The following DLG2 variants were observed in gnomAD, a reference collection of about 807,000 sequenced individuals.
DLG2 encodes the protein disks large homolog 2.
In DLG2, 45 loss-of-function variants were observed where a neutral mutation model predicts 132.5. The observed-to-expected ratio is 0.34, with a 90% CI of 0.27 to 0.44. The LOEUF is 0.44. DLG2 is among the 20% of genes least tolerant of loss of function. The pLI is 1.00. For synonymous variants in DLG2, 424 were observed against 419.6 expected, an observed-to-expected ratio of 1.01 and a Z score of -0.13; for missense variants, 1,045 against 1,196.9, an observed-to-expected ratio of 0.87 and a Z score of 1.87.
chr11:84,422,082 G>A (rs1353229351), intron 7 of DLG2, among the ~76,000 whole-genome samples: 1 of 152,094 alleles, frequency 6.6e-6, no homozygotes, highest in Non-Finnish European at 1.5e-5. Context: ...CCCTCACTAG[G>A]CGCTTGAACT....
chr11:84,654,060 T>C (rs1024675929), intron 6 of DLG2, among the ~76,000 whole-genome samples: 4 of 152,140 alleles, frequency 2.6e-5, no homozygotes, highest in Non-Finnish European at 5.9e-5. Context: ...TGGTGTCTTA[T>C]AACATTAATA....
intron 19 of DLG2, among the ~76,000 whole-genome samples, chr11:83,599,487 C>T (rs2058170806): frequency 6.6e-6 from 1 of 152,186 alleles, no homozygotes; most frequent in East Asian, 1.9e-4. Flanking sequence ...ACCAATCCTT[C>T]AAAAGATCCA....
intron 6 of DLG2, among the ~76,000 whole-genome samples, chr11:84,712,434 T>C (rs1174885027): frequency 1.3e-5 from 2 of 152,066 alleles, no homozygotes; most frequent in African/African-American, 4.8e-5. Flanking sequence ...TCATTTTTCA[T>C]TTTCTCTTTC....
chr11:84,252,532 T>C (rs2097399742), intron 7 of DLG2, among the ~76,000 whole-genome samples: 1 of 152,186 alleles, frequency 6.6e-6, no homozygotes, highest in South Asian at 2.1e-4. Context: ...TTGGATATGT[T>C]CAACTTTCTT....
intron 8 of DLG2, among the ~76,000 whole-genome samples, chr11:84,171,767 T>C (rs2095829130): frequency 6.6e-6 from 1 of 152,166 alleles, no homozygotes; most frequent in Non-Finnish European, 1.5e-5. Context: ...TCAAATTTTC[T>C]CTGCTGAATA....
chr11:85,362,453 T>A (rs2084232529), intron 3 of DLG2, among the ~76,000 whole-genome samples: 1 of 152,168 alleles, frequency 6.6e-6, no homozygotes, highest in Non-Finnish European at 1.5e-5. Flanking sequence ...GATTTTTTTA[T>A]GTTGATTTTG....
At chr11:85,376,893 T>C (rs2085450001) in intron 3 of DLG2, among the ~76,000 whole-genome samples, 1 of 152,146 alleles carries the variant, frequency 6.6e-6, no homozygotes, top group African/African-American at 2.4e-5. Context: ...GTACTGGATA[T>C]AAGGTAAATT....
At chr11:84,191,215 CT>C (rs1157227466) in intron 8 of DLG2, among the ~76,000 whole-genome samples, 4 of 151,700 alleles carry the variant, frequency 2.6e-5, no homozygotes, top group African/African-American at 4.8e-5. Context: ...TTGATCTCCA[CT>C]TTTTTTTAAT....
chr11:84,588,559 A>G (rs967554998), intron 6 of DLG2, among the ~76,000 whole-genome samples: 1 of 152,126 alleles, frequency 6.6e-6, no homozygotes, highest in African/African-American at 2.4e-5. Flanking sequence ...TGTCAGAGGC[A>G]TTTGAACCAG....
At chr11:84,697,489 T>C (rs2058737605) in intron 6 of DLG2, among the ~76,000 whole-genome samples, 1 of 151,528 alleles carries the variant, frequency 6.6e-6, no homozygotes, top group South Asian at 2.1e-4. Flanking sequence ...TAATTTTTTT[T>C]AGAAAAACAC....
chr11:85,234,312 A>G (rs1405745780), intron 4 of DLG2, among the ~76,000 whole-genome samples: 1 of 152,008 alleles, frequency 6.6e-6, no homozygotes, highest in Non-Finnish European at 1.5e-5. Context: ...GCTTCCAAAT[A>G]ACCACAAAAC....
In DLG2 at chr11:84,033,836, C is replaced by A. The variant is rs2095784238; in HGVS notation, c.919+25479G>T. 2.0e-5 allele frequency among the ~76,000 whole-genome samples: 3 copies of A among 152,060 alleles called. No individual in the cohort carries two copies. The South Asian group carries it at 6.2e-4, about 32-fold the overall frequency. ...GGCAGATCACCTAAGGCCAGGAGTT[C>A]AAGACCAGCCTGACCAACATGGAGA... On this transcript the variant is annotated intron_variant, in intron 11 of 27. Transcript: ENST00000376104.
intron 6 of DLG2, among the ~76,000 whole-genome samples, chr11:84,946,321 G>A (rs1017360663): frequency 6.6e-6 from 1 of 151,992 alleles, no homozygotes; most frequent in Non-Finnish European, 1.5e-5. Context: ...GGATGCTCTG[G>A]GTCACACCTG....
At chr11:85,563,412 A>G (rs988130377) in intron 3 of DLG2, among the ~76,000 whole-genome samples, 8 of 151,034 alleles carry the variant, frequency 5.3e-5, no homozygotes, top group Non-Finnish European at 1.2e-4. Flanking sequence ...TTAGTAAATG[A>G]GTGGATTAAA....
intron 3 of DLG2, among the ~76,000 whole-genome samples, chr11:85,486,620 C>A (rs2093435179): frequency 6.6e-6 from 1 of 152,054 alleles, no homozygotes; most frequent in Admixed American, 6.6e-5. Context: ...CAGCTGACAC[C>A]CACACACACA....
At chr11:84,999,867 T>C (rs996398103) in intron 6 of DLG2, among the ~76,000 whole-genome samples, 1 of 152,132 alleles carries the variant, frequency 6.6e-6, no homozygotes, top group African/African-American at 2.4e-5. Context: ...AAATAAACCT[T>C]GCATACATGT....
intron 11 of DLG2, among the ~76,000 whole-genome samples, chr11:84,008,606 A>G (rs1291574048): frequency 6.6e-6 from 1 of 151,964 alleles, no homozygotes; most frequent in Non-Finnish European, 1.5e-5. Flanking sequence ...ATACAAAAAT[A>G]TCCACAACAG....
intron 3 of DLG2, among the ~76,000 whole-genome samples, chr11:85,357,706 A>T (rs1211415306): frequency 0.15 from 31 of 206 alleles, 1 homozygote; most frequent in African/African-American, 0.29. Context: ...GTTCTGAATT[A>T]TATATATATA....
intron 18 of DLG2, among the ~76,000 whole-genome samples, chr11:83,779,021 T>C (rs2094700576): frequency 6.6e-6 from 1 of 152,166 alleles, no homozygotes; most frequent in Non-Finnish European, 1.5e-5. Flanking sequence ...AAGAAATGTC[T>C]AAGCAATAAA....
Sources: gnomAD v4.1 joint callset for allele counts (sites outside exome capture counted in the v4.1 genomes callset) on GRCh38, gnomAD v4.1.1 for gene constraint, MANE v1.5 for transcripts, NCBI Gene and HGNC (gene_info 2026-07-23, HGNC 2026-07-21) for gene names.